GAS7: variants seen among roughly 807,000 people sequenced by gnomAD.
GAS7 encodes the protein growth arrest-specific protein 7.
Under a neutral mutation model 71.1 loss-of-function variants are expected in GAS7, and 28 were observed. The observed-to-expected ratio is 0.39, with a 90% CI of 0.29 to 0.54. The LOEUF is 0.54. GAS7 is among the 20% of genes least tolerant of loss of function. The pLI, the probability that GAS7 is intolerant of heterozygous loss-of-function variation, is 0.62. For missense variants in GAS7, 436 were observed against 627.8 expected (o/e 0.69, Z 3.27); for synonymous variants, 258 against 245.8 (o/e 1.05, Z -0.46).
rs1183812961 is a variant in GAS7, at chr17:10,103,986, C to T, written c.184-84089G>A. 1.3e-5 allele frequency among the ~76,000 whole-genome samples: 2 copies of T among 152,274 alleles called. No homozygotes were observed. The highest frequency in any genetic ancestry group is 2.1e-4 in the South Asian group (1 of 4,828). ...ACTCCTCCTACCAAAGGCAACTTACCTGCTTTCTACCGATCAGCACATAAT... is the reference window on the plus strand; with the variant it reads ...ACTCCTCCTACCAAAGGCAACTTACTTGCTTTCTACCGATCAGCACATAAT... On this transcript the variant is annotated intron_variant, in intron 1 of 13. Transcript: ENST00000432992. The surrounding 1 kb of genome is among the most constrained non-coding windows in gnomAD (Gnocchi z 5.5).
At chr17:10,127,041 G>A (rs1323461682) in intron 1 of GAS7, among the ~76,000 whole-genome samples, 2 of 152,156 alleles carry the variant, frequency 1.3e-5, no homozygotes, top group African/African-American at 4.8e-5. Context: ...GTGCTGGCCA[G>A]CACCTTACAT....
At chr17:9,955,139 A>G (rs530707815) in intron 5 of GAS7, among the ~76,000 whole-genome samples, 1 of 152,294 alleles carries the variant, frequency 6.6e-6, no homozygotes, top group Admixed American at 6.5e-5. Context: ...CCAGACCTCA[A>G]AGTCAAGGCT....
chr17:10,092,917 A>G (rs1211270832), intron 1 of GAS7, among the ~76,000 whole-genome samples: 4 of 152,164 alleles, frequency 2.6e-5, no homozygotes, highest in Non-Finnish European at 5.9e-5. Context: ...TTTAGGACCC[A>G]CCCAGATAAT....
chr17:10,167,044 CTTTTTTTTTTTTTTTT>C (rs1164151104), intron 1 of GAS7, among the ~76,000 whole-genome samples: 1 of 58,806 alleles, frequency 1.7e-5, no homozygotes, highest in African/African-American at 8.1e-5. Flanking sequence ...TTCCATTTGT[CTTTTTTTTTTTTTTTT>C]TTTTTTTTTT....
chr17:10,101,141 A>G (rs1435377700), intron 1 of GAS7, among the ~76,000 whole-genome samples: 1 of 152,102 alleles, frequency 6.6e-6, no homozygotes, highest in Non-Finnish European at 1.5e-5. Context: ...TTATGGATTC[A>G]GTTTCTGGGG....
At chr17:10,058,401 G>A (rs1381927788) in intron 1 of GAS7, among the ~76,000 whole-genome samples, 1 of 150,088 alleles carries the variant, frequency 6.7e-6, no homozygotes, top group Non-Finnish European at 1.5e-5. Flanking sequence ...GCAGTAAACC[G>A]AAATCACGCC....
In GAS7 at chr17:10,145,197, G is replaced by A. The variant is rs115533082; in HGVS notation, c.183+53011C>T. Among the ~76,000 whole-genome samples, 826 of 152,324 alleles carry A rather than the reference G, an allele frequency of 5.4e-3. 7 individuals are homozygous for A. The highest frequency in any genetic ancestry group is 0.018 in the African/African-American group (753 of 41,560). ...TCTGGGGCTGACAGCCAGCAGCACC[G>A]GGGCAGGTACTGCTAAGGAAAAGAA... On this transcript the variant is annotated intron_variant, in intron 1 of 13. Coordinates refer to ENST00000432992, the MANE Select transcript of GAS7 (RefSeq NM_201433.2).
chr17:9,976,518 G>A (rs1238659429), intron 3 of GAS7, among the ~76,000 whole-genome samples: 1 of 152,192 alleles, frequency 6.6e-6, no homozygotes, highest in African/African-American at 2.4e-5. Context: ...TCTGGGTTCA[G>A]GAGCCCCCTC....
At chr17:9,965,093 G>A (rs1049133298) in intron 4 of GAS7, among the ~76,000 whole-genome samples, 5 of 152,190 alleles carry the variant, frequency 3.3e-5, no homozygotes, top group Admixed American at 2.0e-4. Flanking sequence ...CCACTAGGAC[G>A]CGATTCTGCA....
At chr17:9,995,654 A>G (rs1002482239) in intron 2 of GAS7, among the ~76,000 whole-genome samples, 3 of 152,154 alleles carry the variant, frequency 2.0e-5, no homozygotes, top group African/African-American at 7.2e-5. Context: ...GTGACTGATA[A>G]CCCCTATCTA....
intron 1 of GAS7, among the ~76,000 whole-genome samples, chr17:10,028,205 A>G (rs989128574): frequency 4.6e-5 from 7 of 152,124 alleles, no homozygotes; most frequent in African/African-American, 1.7e-4. Flanking sequence ...GCCCGGCCTT[A>G]ACATTTCTTT....
chr17:9,918,063 T>A lies in GAS7; in HGVS notation c.1255A>T (p.Ile419Phe). The change falls in exon 13 of 14, where the codon ATC (isoleucine) becomes TTC (phenylalanine). Residue 419 changes from isoleucine (I) to phenylalanine (F), a missense_variant. Physicochemically the swap from Ile to Phe is conservative, Grantham distance 21 (BLOSUM62 0). Transcript: ENST00000432992. The stretch of plus-strand genomic sequence containing the variant: ...GTGTACTGGCACAGGTGCTGCCGGA[T>A]CATCTCTACCCTCTCCACCTCCAGC... ...ERLEVERVEM[I>F]RQHLCQYTQL... The A allele has an allele frequency of 6.2e-7, 1 of 1,613,962 alleles. No homozygotes were observed. Among genetic ancestry groups the A allele is most frequent in the Non-Finnish European group, 8.5e-7 (1 of 1,179,890 alleles).
chr17:10,042,643 T>C (rs901098452), intron 1 of GAS7, among the ~76,000 whole-genome samples: 5 of 152,170 alleles, frequency 3.3e-5, no homozygotes, highest in African/African-American at 4.8e-5. Flanking sequence ...CCAAATGCTA[T>C]GTGATAAGCT....
intron 3 of GAS7, among the ~76,000 whole-genome samples, chr17:9,978,499 T>G (rs750941084): frequency 4.0e-5 from 6 of 150,668 alleles, no homozygotes; most frequent in African/African-American, 7.3e-5. Flanking sequence ...AAAAAAATAA[T>G]AATAAGAAGA....
chr17:10,093,573 A>AG (rs2073609614), intron 1 of GAS7, among the ~76,000 whole-genome samples: 1 of 150,686 alleles, frequency 6.6e-6, no homozygotes, highest in African/African-American at 2.4e-5. Context: ...AAAAAAAAAA[A>AG]GCTGAAAAGC....
chr17:9,982,291 AT>A (rs1189880495), intron 2 of GAS7, among the ~76,000 whole-genome samples: 1 of 152,066 alleles, frequency 6.6e-6, no homozygotes, highest in African/African-American at 2.4e-5. Flanking sequence ...TTCTCCCCAA[AT>A]GTCCACTGTT....
At chr17:10,191,947 T>C (rs142069155) in intron 1 of GAS7, among the ~76,000 whole-genome samples, 5 of 149,408 alleles carry the variant, frequency 3.3e-5, no homozygotes, top group East Asian at 2.0e-4. Flanking sequence ...TACCTAGAGG[T>C]TGAATCTGAA....
intron 1 of GAS7, among the ~76,000 whole-genome samples, chr17:10,025,271 T>C (rs2072423049): frequency 1.3e-5 from 2 of 151,952 alleles, no homozygotes; most frequent in Non-Finnish European, 2.9e-5. Context: ...ATTAAAATAA[T>C]AGCTTTGTTC....
intron 1 of GAS7, among the ~76,000 whole-genome samples, chr17:10,167,493 G>A (rs981455676): frequency 1.3e-4 from 20 of 152,186 alleles, no homozygotes; most frequent in Admixed American, 1.0e-3. Flanking sequence ...TGTAAGGGCC[G>A]GTTACTGAGC....
Sources: gnomAD v4.1 joint callset for allele counts (sites outside exome capture counted in the v4.1 genomes callset) on GRCh38, gnomAD v4.1.1 for gene constraint, Gnocchi (gnomAD v3.1) non-coding constraint, MANE v1.5 for transcripts, NCBI Gene and HGNC (gene_info 2026-07-23, HGNC 2026-07-21) for gene names.